RERG: variants seen among roughly 807,000 people sequenced by gnomAD.
The protein encoded by RERG is RAS like estrogen regulated growth inhibitor, also known as ras-related and estrogen-regulated growth inhibitor.
Under a neutral mutation model 23.2 loss-of-function variants are expected in RERG, and 25 were observed. That is an observed-to-expected ratio of 1.08 (90% CI 0.79 to 1.50). The LOEUF (loss-of-function observed/expected upper bound fraction) is 1.50. RERG is among the 40% of genes most tolerant of loss of function. The probability of loss-of-function intolerance (pLI) is 0.00; values close to 1 mark genes in which losing one functional copy is unlikely to be tolerated. For missense variants in RERG, 253 were observed against 250.1 expected (o/e 1.01, Z -0.08); for synonymous variants, 81 against 89.1 (o/e 0.91, Z 0.51).
intron 2 of RERG, among the ~76,000 whole-genome samples, chr12:15,137,343 T>C (rs1330343574): frequency 4.0e-5 from 6 of 151,792 alleles, no homozygotes; most frequent in Admixed American, 3.9e-4. Context: ...TCTCTTTTAA[T>C]TGATGTATTT....
At chr12:15,143,274 T>C (rs1026147600) in intron 2 of RERG, among the ~76,000 whole-genome samples, 1 of 151,940 alleles carries the variant, frequency 6.6e-6, no homozygotes, top group Non-Finnish European at 1.5e-5. Flanking sequence ...TAAATTAAAA[T>C]ATACATATAC....
chr12:15,185,617 A>T (rs1864980588), intron 2 of RERG, among the ~76,000 whole-genome samples: 1 of 152,054 alleles, frequency 6.6e-6, no homozygotes, highest in Non-Finnish European at 1.5e-5. Context: ...CTCTGGGGGA[A>T]AATAATTATT....
chr12:15,126,158 T>TATATATATATATAC (rs1222298898), intron 2 of RERG, among the ~76,000 whole-genome samples: 6 of 143,202 alleles, frequency 4.2e-5, no homozygotes, highest in African/African-American at 1.5e-4. Flanking sequence ...TATATGTATT[T>TATATATATATATAC]ACACACATAC....
At chr12:15,175,333 CTGTGTGTGTGTGTGTGTG>C (rs532399275) in intron 2 of RERG, among the ~76,000 whole-genome samples, 57 of 112,250 alleles carry the variant, frequency 5.1e-4, no homozygotes, top group East Asian at 2.7e-3. Context: ...CTCTCAGGCT[CTGTGTGTGTGTGTGTGTG>C]TGTGTGTGTG....
intron 3 of RERG, among the ~76,000 whole-genome samples, chr12:15,115,833 A>T (rs1863710150): frequency 6.6e-6 from 1 of 152,198 alleles, no homozygotes; most frequent in Non-Finnish European, 1.5e-5. Flanking sequence ...TGTAGAATGC[A>T]GCTTCGCCAG....
At chr12:15,121,837 C>A (rs111875981) in intron 2 of RERG, among the ~76,000 whole-genome samples, 101 of 152,174 alleles carry the variant, frequency 6.6e-4, no homozygotes, top group African/African-American at 2.3e-3. Flanking sequence ...GGATCTGAAT[C>A]CAGGAAGTCT....
chr12:15,162,160 A>G (rs930866119), intron 2 of RERG, among the ~76,000 whole-genome samples: 1 of 152,212 alleles, frequency 6.6e-6, no homozygotes, highest in East Asian at 1.9e-4. Flanking sequence ...GAACAAGAGC[A>G]AAGCAATGGG....
At chr12:15,214,176 T>C (rs558499484) in intron 2 of RERG, among the ~76,000 whole-genome samples, 1 of 152,282 alleles carries the variant, frequency 6.6e-6, no homozygotes, top group African/African-American at 2.4e-5. Flanking sequence ...TAACAAATTA[T>C]AATAATATAA....
At chr12:15,135,153 G>C (rs572755432) in intron 2 of RERG, among the ~76,000 whole-genome samples, 5 of 152,210 alleles carry the variant, frequency 3.3e-5, no homozygotes, top group African/African-American at 1.2e-4. Context: ...CATATTGTTA[G>C]ATTTGTGGCT....
intron 2 of RERG, among the ~76,000 whole-genome samples, chr12:15,211,284 T>C (rs996982980): frequency 2.1e-5 from 3 of 142,778 alleles, no homozygotes; most frequent in South Asian, 2.4e-4. Flanking sequence ...TGTCATTTTA[T>C]ACACACACAC....
chr12:15,134,952 C>T (rs1437386379), intron 2 of RERG, among the ~76,000 whole-genome samples: 1 of 152,148 alleles, frequency 6.6e-6, no homozygotes, highest in Non-Finnish European at 1.5e-5. Flanking sequence ...ATCCACGATA[C>T]AATTTGCTGA....
At chr12:15,120,958 A>G in intron 3 of RERG, 105 bp downstream of exon 3, 1 of 822,120 alleles carries the variant, frequency 1.2e-6, no homozygotes, top group East Asian at 2.6e-5. Flanking sequence ...AAGCACTTCC[A>G]CATCAGCTAA....
chr12:15,201,046 ATTT>A (rs1865208703), intron 2 of RERG, among the ~76,000 whole-genome samples: 6 of 151,910 alleles, frequency 3.9e-5, no homozygotes, highest in Admixed American at 3.9e-4. Flanking sequence ...CAAAAATATT[ATTT>A]TTAAAACTGA....
intron 2 of RERG, among the ~76,000 whole-genome samples, chr12:15,135,187 T>G (rs898248517): frequency 6.6e-6 from 1 of 152,204 alleles, no homozygotes; most frequent in South Asian, 2.1e-4. Context: ...TGTGCTAACA[T>G]AAATGGTAGA....
intron 2 of RERG, among the ~76,000 whole-genome samples, chr12:15,202,399 T>C (rs908964175): frequency 2.0e-5 from 3 of 151,822 alleles, no homozygotes; most frequent in African/African-American, 7.2e-5. Context: ...ATCCAGAACT[T>C]ACTCATCAAG....
intron 2 of RERG, among the ~76,000 whole-genome samples, chr12:15,213,996 A>ATGTGTATG (rs1865404833): frequency 7.6e-6 from 1 of 130,964 alleles, no homozygotes; most frequent in Admixed American, 7.6e-5. Context: ...CAGAGAAAGT[A>ATGTGTATG]TGTGTGTGTG....
intron 2 of RERG, among the ~76,000 whole-genome samples, chr12:15,197,159 C>T (rs1460753944): frequency 6.6e-6 from 1 of 152,132 alleles, no homozygotes; most frequent in East Asian, 1.9e-4. Context: ...ACAAAAATGC[C>T]TGTTTTCTGT....
chr12:15,165,314 C>A (rs1864671673), intron 2 of RERG, among the ~76,000 whole-genome samples: 1 of 152,128 alleles, frequency 6.6e-6, no homozygotes, highest in Non-Finnish European at 1.5e-5. Context: ...CTTCTTCTAG[C>A]CAACAATCTT....
chr12:15,198,344 A>G (rs1865172512), intron 2 of RERG, among the ~76,000 whole-genome samples: 1 of 152,096 alleles, frequency 6.6e-6, no homozygotes. Context: ...TTAACCAGCT[A>G]TGACTCTTCA....
Sources: allele counts gnomAD v4.1 joint callset (sites outside exome capture counted in the v4.1 genomes callset), GRCh38; gene constraint gnomAD v4.1.1; transcripts MANE v1.5; gene names NCBI Gene and HGNC (gene_info 2026-07-23, HGNC 2026-07-21).